Variants in DDX60L observed in about 807,000 individuals in gnomAD.
DDX60L encodes the protein DExD/H-box 60 like, also known as probable ATP-dependent RNA helicase DDX60-like.
Under a neutral mutation model 211.6 loss-of-function variants are expected in DDX60L, and 191 were observed. That is an observed-to-expected ratio of 0.90 (90% CI 0.80 to 1.02). The LOEUF (loss-of-function observed/expected upper bound fraction) is 1.02, where lower values mean the gene tolerates loss of function less well. Ranked by LOEUF, DDX60L falls within the 50% of genes least tolerant of loss-of-function variation. DDX60L has a pLI of 0.00. For synonymous variants in DDX60L, 706 were observed against 694.1 expected (o/e 1.02, Z -0.27); for missense variants, 2,007 against 1,984.1 (o/e 1.01, Z -0.22).
chr4:168,427,166 A>T lies in DDX60L; in HGVS notation c.1834T>A (p.Leu612Met), dbSNP rs201176216. 7.4e-6 allele frequency: 12 copies of T among 1,611,562 alleles called. No individual in the cohort carries two copies. In the Admixed American group the frequency reaches 1.2e-4, roughly 16 times the overall value. Residue 612 changes from leucine to methionine, a missense_variant, in exon 14 of 38, where the codon TTG (leucine) becomes ATG (methionine). By Grantham distance (15) the Leu-to-Met change is conservative (BLOSUM62 2). Coordinates refer to ENST00000682922, the MANE Select transcript of DDX60L (RefSeq NM_001012967.3). ...HSGIRKLEDY[L>M]TSCASNSVKF... The stretch of plus-strand genomic sequence containing the variant: ...ACTGAATTACTTGCACATGATGTCA[A>T]ATAATCTTCCAATTTCCTTATTCCA...
At chr4:168,450,836 G>A (rs575117931) in intron 8 of DDX60L, among the ~76,000 whole-genome samples, 3 of 152,138 alleles carry the variant, frequency 2.0e-5, no homozygotes, top group African/African-American at 7.2e-5. Context: ...GAGCCTGGGA[G>A]GTCGAGGCTG....
intron 36 of DDX60L, among the ~76,000 whole-genome samples, chr4:168,368,288 A>C (rs1740342676): frequency 6.6e-6 from 1 of 152,238 alleles, no homozygotes; most frequent in Non-Finnish European, 1.5e-5. Flanking sequence ...CCATGGCTGA[A>C]AAAGGCTAAT....
In DDX60L at chr4:168,379,479, G is replaced by T; in HGVS notation, c.4247C>A (p.Pro1416Gln). Reference protein sequence around the residue: ...KEDYLNKKGNPKKFAGLASYL... With the variant: ...KEDYLNKKGNQKKFAGLASYL... Reference sequence around the variant, plus strand: ...TGATGCAAGTCCTGCAAATTTCTTTGGATTACCCTTTTTATTTAAATAGTC... The same window carrying T: ...TGATGCAAGTCCTGCAAATTTCTTTTGATTACCCTTTTTATTTAAATAGTC... The change falls in exon 32 of 38, where the codon CCA becomes CAA. Residue 1416 changes from proline (P) to glutamine (Q), a missense_variant. Transcript: ENST00000682922. The T allele has an allele frequency of 6.3e-7, 1 of 1,582,024 alleles. No individual in the cohort carries two copies. Among genetic ancestry groups the T allele is most frequent in the Non-Finnish European group, 8.5e-7 (1 of 1,170,240 alleles).
In DDX60L at chr4:168,401,879, T is replaced by C. The variant is rs75423968; in HGVS notation, c.3339-901A>G. Among the ~76,000 whole-genome samples the C allele has an allele frequency of 1.6e-3, 249 of 152,296 alleles. 1 individual carries two copies. Among genetic ancestry groups the C allele is most frequent in the African/African-American group, 5.6e-3 (234 of 41,554 alleles). On this transcript the variant is annotated intron_variant, in intron 25 of 37. Transcript: ENST00000682922. The stretch of plus-strand genomic sequence containing the variant: ...TACTATGCATGGTAAGAAGATCTGG[T>C]ATGTAAAAAAGCAAAAATAATAATA...
chr4:168,398,731 G>T (rs1003588418), intron 26 of DDX60L, among the ~76,000 whole-genome samples: 1 of 152,138 alleles, frequency 6.6e-6, no homozygotes, highest in Non-Finnish European at 1.5e-5. Flanking sequence ...CTCAACAGAC[G>T]ACCAGCTTCC....
In DDX60L at chr4:168,472,555, A is replaced by G. The variant is rs551188626; in HGVS notation, c.5-31T>C. On this transcript the variant is annotated intron_variant, in intron 2 of 37. Coordinates refer to ENST00000682922, the MANE Select transcript of DDX60L (RefSeq NM_001012967.3). The stretch of plus-strand genomic sequence containing the variant: ...AATAAGGAGATTTTTTGAGCCATCA[A>G]TATTTTTACACAGCTATATAATTTA... 2.3e-4 allele frequency: 363 copies of G among 1,572,132 alleles called. 3 individuals are homozygous for G. In the South Asian group the frequency reaches 3.8e-3, roughly 16 times the overall value.
Position 168,461,969 on chromosome 4 carries a change from T to C in DDX60L, c.336A>G (p.Gln112=), listed in dbSNP as rs1757376995. The C allele has an allele frequency of 6.2e-7, 1 of 1,613,384 alleles. No homozygotes were observed. The highest frequency in any genetic ancestry group is 1.3e-5 in the African/African-American group (1 of 74,924). The change falls in exon 5 of 38, where the codon CAA becomes CAG. Residue 112 remains glutamine, a synonymous_variant. Coordinates refer to ENST00000682922, the MANE Select transcript of DDX60L (RefSeq NM_001012967.3). ...TTTGCACATCAATGTTAGTATTGTG[T>C]TGAAGGTGGAGAATTAAAGCGGTCC... ...SLRTALILHL[Q]HNTNIDVQTE...
chr4:168,454,757 C>CTTTTTTTTTTTTTTTTTTTTTTT (rs1263885983), intron 7 of DDX60L, among the ~76,000 whole-genome samples: 1 of 48,934 alleles, frequency 2.0e-5, no homozygotes, highest in Non-Finnish European at 4.1e-5. Context: ...TAAACAGCTT[C>CTTTTTTTTTTTTTTTTTTTTTTT]CTTTTTTTTT....
At chr4:168,436,909 T>G (rs1052066120) in intron 10 of DDX60L, among the ~76,000 whole-genome samples, 1 of 152,204 alleles carries the variant, frequency 6.6e-6, no homozygotes, top group Admixed American at 6.5e-5. Flanking sequence ...AGGGTTATTG[T>G]GCTGGCTGCT....
At chr4:168,374,721 G>A (rs540165407) in intron 34 of DDX60L, among the ~76,000 whole-genome samples, 7 of 152,188 alleles carry the variant, frequency 4.6e-5, no homozygotes, top group Non-Finnish European at 1.5e-5. Flanking sequence ...ATAGTGACAC[G>A]TAGCTAGCTG....
intron 18 of DDX60L, among the ~76,000 whole-genome samples, chr4:168,419,927 G>A (rs758894130): frequency 1.3e-5 from 2 of 152,040 alleles, no homozygotes; most frequent in Non-Finnish European, 2.9e-5. Context: ...ACAAGACCTA[G>A]CAATTTTGAA....
chr4:168,454,183 C>G (rs1756202064), intron 7 of DDX60L, among the ~76,000 whole-genome samples: 1 of 152,124 alleles, frequency 6.6e-6, no homozygotes, highest in Admixed American at 6.6e-5. Flanking sequence ...GACAATCATG[C>G]TGAAATAAAG....
At chr4:168,461,351 C>A (rs146577177) in intron 5 of DDX60L, among the ~76,000 whole-genome samples, 205 of 152,280 alleles carry the variant, frequency 1.3e-3, no homozygotes, top group Non-Finnish European at 2.4e-3. Flanking sequence ...AAATATATTT[C>A]TTATTATACT....
At chr4:168,365,649 G>C (rs1739849958) in intron 36 of DDX60L, among the ~76,000 whole-genome samples, 1 of 151,800 alleles carries the variant, frequency 6.6e-6, no homozygotes, top group African/African-American at 2.4e-5. Context: ...TTTAAGAGGA[G>C]GGACTACTTC....
intron 10 of DDX60L, among the ~76,000 whole-genome samples, chr4:168,440,362 A>G (rs1357184296): frequency 6.6e-6 from 1 of 152,244 alleles, no homozygotes; most frequent in African/African-American, 2.4e-5. Flanking sequence ...CTGCATTTCT[A>G]TGTATATACT....
At position 168,363,949 on chromosome 4, in the gene DDX60L, T is replaced by C. The variant is rs188191623; in HGVS notation, c.4929-2738A>G. ...AGGTAACAGAGTAAAACCCTGTCTG[T>C]ACAAAAAAGAAAAATAAAAAATTAG... On this transcript the variant is annotated intron_variant, in intron 36 of 37. Coordinates refer to ENST00000682922, the MANE Select transcript of DDX60L (RefSeq NM_001012967.3). 1.1e-3 allele frequency among the ~76,000 whole-genome samples: 168 copies of C among 152,136 alleles called. 1 individual carries two copies. The highest frequency in any genetic ancestry group is 3.9e-3 in the African/African-American group (162 of 41,484).
In DDX60L at chr4:168,441,412, A is replaced by C. The variant is rs1318981920; in HGVS notation, c.1219T>G (p.Phe407Val). ...WNVVSHLVKEFNVGKSFPLRT... is the reference protein window; with the variant it reads ...WNVVSHLVKEVNVGKSFPLRT... The stretch of plus-strand genomic sequence containing the variant: ...AGAGGAAAAGACTTTCCAACGTTAA[A>C]TTCTTTAACCAGGTGTGACACAACA... The change falls in exon 10 of 38, where the codon TTT becomes GTT. Residue 407 changes from phenylalanine to valine, a missense_variant. Transcript: ENST00000682922. 3 of 1,613,190 alleles carry C rather than the reference A, an allele frequency of 1.9e-6. No individual in the cohort carries two copies. The highest frequency in any genetic ancestry group is 2.5e-6 in the Non-Finnish European group (3 of 1,179,594).
At chr4:168,381,547 GAAAAGGTTCTGA>G (rs949555214) in intron 30 of DDX60L, among the ~76,000 whole-genome samples, 7 of 150,776 alleles carry the variant, frequency 4.6e-5, no homozygotes, top group South Asian at 2.1e-4. Flanking sequence ...GTGATAAATT[GAAAAGGTTCTGA>G]ATATGATAAA....
chr4:168,462,750 T>G (rs949290400), intron 4 of DDX60L, among the ~76,000 whole-genome samples: 18 of 151,914 alleles, frequency 1.2e-4, no homozygotes, highest in Admixed American at 2.6e-4. Flanking sequence ...GAGGCGGAGG[T>G]TGCAGTGAGC....
Sources: allele counts gnomAD v4.1 joint callset (sites outside exome capture counted in the v4.1 genomes callset), GRCh38; gene constraint gnomAD v4.1.1; transcripts MANE v1.5; gene names NCBI Gene and HGNC (gene_info 2026-07-23, HGNC 2026-07-21).